LEO1: variants seen among roughly 807,000 people sequenced by gnomAD.
LEO1 encodes the protein LEO1 component of Paf1/RNA polymerase II complex, also known as RNA polymerase-associated protein LEO1.
LEO1 carries 34 observed loss-of-function variants against 80.4 expected under a neutral mutation model. That is an observed-to-expected ratio of 0.42 (90% CI 0.32 to 0.56). The LOEUF is 0.56. Among genes scored for constraint, LEO1 ranks in the 20% least tolerant of loss-of-function variants. The pLI is 0.10. For synonymous variants in LEO1, 262 were observed against 274.9 expected (o/e 0.95, Z 0.46); for missense variants, 631 against 814.2 (o/e 0.77, Z 2.74).
rs747693342 is a variant in LEO1 at position 51,965,939 on chromosome 15, T to C, written c.624A>G (p.Glu208=). The C allele has an allele frequency of 1.2e-6, 2 of 1,614,110 alleles. No homozygotes were observed. Among genetic ancestry groups the C allele is most frequent in the Non-Finnish European group, 1.7e-6 (2 of 1,179,990 alleles). The change falls in exon 2 of 12, where the codon GAA becomes GAG. Residue 208 remains glutamate (E), a synonymous_variant. Transcript: ENST00000299601. ...GCCGTTCATCATCAGAATTAGCCTT[T>C]TCCTCCTCAGATAGCTGTTGTCTCT... ...DDERQQLSEE[E]KANSDDERPV... is the part of the protein sequence containing the mutation.
At chr15:51,940,907 G>A (rs1316832250) in intron 11 of LEO1, among the ~76,000 whole-genome samples, 1 of 151,970 alleles carries the variant, frequency 6.6e-6, no homozygotes, top group Non-Finnish European at 1.5e-5. Context: ...AGACCTGCCT[G>A]GCCAACATGG....
At chr15:51,970,214 T>C (rs1161040944) in intron 1 of LEO1, among the ~76,000 whole-genome samples, 1 of 152,214 alleles carries the variant, frequency 6.6e-6, no homozygotes, top group Non-Finnish European at 1.5e-5. Context: ...TGAAGTGAAG[T>C]GATGCAATCT....
At position 51,950,175 on chromosome 15, in the gene LEO1, G is replaced by C. The variant is rs565685375; in HGVS notation, c.1612-181C>G. On this transcript the variant is annotated intron_variant, in intron 9 of 11. Coordinates refer to ENST00000299601, the MANE Select transcript of LEO1 (RefSeq NM_138792.4). The stretch of plus-strand genomic sequence containing the variant: ...TCTGGTTTGGTTTGCAGGAGCAAAG[G>C]CAACACAAGGGTAAAGCGGCAGAAG... 2.6e-4 allele frequency among the ~76,000 whole-genome samples: 39 copies of C among 152,286 alleles called. 1 individual carries two copies. In the South Asian group the frequency reaches 8.1e-3, roughly 32 times the overall value.
intron 6 of LEO1, among the ~76,000 whole-genome samples, chr15:51,955,965 T>G (rs565492884): frequency 2.6e-4 from 39 of 152,350 alleles, no homozygotes; most frequent in African/African-American, 9.4e-4. Flanking sequence ...TGACAAAAGA[T>G]TGTTAACTCG....
At chr15:51,955,464 A>T (rs1296336869) in intron 6 of LEO1, among the ~76,000 whole-genome samples, 2 of 152,184 alleles carry the variant, frequency 1.3e-5, no homozygotes, top group Admixed American at 1.3e-4. Context: ...AGAGTTGGCA[A>T]ATGAAAACCA....
At chr15:51,946,355 G>A (rs1269743601) in intron 11 of LEO1, among the ~76,000 whole-genome samples, 1 of 151,612 alleles carries the variant, frequency 6.6e-6, no homozygotes. Flanking sequence ...GCGCCACCAC[G>A]CCCTGCTAAT....
At chr15:51,955,741 G>T (rs562002589) in intron 6 of LEO1, among the ~76,000 whole-genome samples, 4 of 152,144 alleles carry the variant, frequency 2.6e-5, no homozygotes, top group Non-Finnish European at 4.4e-5. Flanking sequence ...CACGGAGATC[G>T]TCTGGATCTC....
intron 11 of LEO1, among the ~76,000 whole-genome samples, chr15:51,940,089 A>C (rs1330927129): frequency 6.6e-6 from 1 of 151,712 alleles, no homozygotes; most frequent in African/African-American, 2.4e-5. Flanking sequence ...CCCCGTCTCT[A>C]CTAAAAATAC....
At position 51,959,940 on chromosome 15, in the gene LEO1, T is replaced by C; in HGVS notation, c.1119A>G (p.Leu373=). ...GAAAGTTGGGCAGTTTAACAAAATA[T>C]AAGTCGTTTCCTAAATCAGTGTTTA... ...PKVNTDLGND[L]YFVKLPNFLS... Residue 373 remains leucine, a synonymous_variant, in exon 5 of 12, where the codon TTA becomes TTG. Transcript: ENST00000299601. 6.2e-7 allele frequency: 1 copy of C among 1,612,758 alleles called. No individual in the cohort carries two copies. Among genetic ancestry groups the C allele is most frequent in the Non-Finnish European group, 8.5e-7 (1 of 1,179,434 alleles).
intron 10 of LEO1, among the ~76,000 whole-genome samples, chr15:51,949,129 G>A (rs1460389226): frequency 6.6e-6 from 1 of 152,150 alleles, no homozygotes; most frequent in Non-Finnish European, 1.5e-5. Context: ...TCAGAAATCA[G>A]TGATACTTGT....
chr15:51,960,152 C>T, intron 4 of LEO1, 108 bp from the exon 5 acceptor site: 1 of 881,044 alleles, frequency 1.1e-6, no homozygotes, highest in Non-Finnish European at 1.7e-6. Context: ...TTAGATATCA[C>T]TTTAGGACTA....
chr15:51,968,242 G>C (rs1345111301), intron 1 of LEO1, among the ~76,000 whole-genome samples: 1 of 152,010 alleles, frequency 6.6e-6, no homozygotes, highest in Non-Finnish European at 1.5e-5. Flanking sequence ...TAATGTCTTA[G>C]AGGACAATAA....
chr15:51,951,147 C>G (rs572221886), intron 9 of LEO1, among the ~76,000 whole-genome samples: 1 of 152,192 alleles, frequency 6.6e-6, no homozygotes, highest in African/African-American at 2.4e-5. Flanking sequence ...CTCACCATGC[C>G]CTGCTTCACT....
chr15:51,944,611 G>A (rs572622868), intron 11 of LEO1, among the ~76,000 whole-genome samples: 48 of 152,228 alleles, frequency 3.2e-4, no homozygotes, highest in Non-Finnish European at 4.9e-4. Flanking sequence ...AAACTTAAGG[G>A]AAGTCCTTAT....
In LEO1 at chr15:51,947,399, A is replaced by G. The variant is rs1228686848; in HGVS notation, c.1799-10T>C. Reference sequence around the variant, plus strand: ...ATTCTGGCTCGTTCCTCTGAAAGCAAAAGTACAGATTGTGAGTCACCTTTT... The same window carrying G: ...ATTCTGGCTCGTTCCTCTGAAAGCAGAAGTACAGATTGTGAGTCACCTTTT... On this transcript the variant is annotated splice_polypyrimidine_tract_variant and intron_variant, in intron 10 of 11. Coordinates refer to ENST00000299601, the MANE Select transcript of LEO1 (RefSeq NM_138792.4). The G allele has an allele frequency of 1.3e-6, 2 of 1,593,510 alleles. No individual in the cohort carries two copies. The highest frequency in any genetic ancestry group is 1.3e-5 in the African/African-American group (1 of 74,286).
intron 11 of LEO1, among the ~76,000 whole-genome samples, chr15:51,943,668 C>T (rs2056875041): frequency 6.6e-6 from 1 of 151,170 alleles, no homozygotes; most frequent in Non-Finnish European, 1.5e-5. Flanking sequence ...CCACCGCACC[C>T]CTGCCTGGGC....
chr15:51,955,766 CA>C (rs1411074102), intron 6 of LEO1, among the ~76,000 whole-genome samples: 2 of 152,218 alleles, frequency 1.3e-5, no homozygotes, highest in African/African-American at 4.8e-5. Flanking sequence ...CCTTTAGCTG[CA>C]AATGTCTGTG....
At chr15:51,971,385 C>T (rs1226902807) in intron 1 of LEO1, among the ~76,000 whole-genome samples, 1 of 152,240 alleles carries the variant, frequency 6.6e-6, no homozygotes, top group African/African-American at 2.4e-5. Context: ...AACAGGACTC[C>T]AACGTTCCTA....
chr15:51,961,485 C>A (rs908701545), intron 3 of LEO1, among the ~76,000 whole-genome samples: 5 of 151,808 alleles, frequency 3.3e-5, no homozygotes. Context: ...CTCTGCCTCC[C>A]GAGCACAAGC....
Sources: gnomAD v4.1 joint callset for allele counts (sites outside exome capture counted in the v4.1 genomes callset) on GRCh38, gnomAD v4.1.1 for gene constraint, MANE v1.5 for transcripts, NCBI Gene and HGNC (gene_info 2026-07-23, HGNC 2026-07-21) for gene names.